The following C5 variants were observed in gnomAD, a reference collection of about 807,000 sequenced individuals.
C5 encodes complement C5.
Under a neutral mutation model 218.8 loss-of-function variants are expected in C5, and 140 were observed. That is an observed-to-expected ratio of 0.64 (90% CI 0.56 to 0.74). The LOEUF is 0.74. Ranked by LOEUF, C5 falls within the 30% of genes least tolerant of loss-of-function variation. The pLI, the probability that C5 is intolerant of heterozygous loss-of-function variation, is 0.00. For synonymous variants in C5, 614 were observed against 682.3 expected (o/e 0.90, Z 1.56); for missense variants, 1,700 against 1,969.6 (o/e 0.86, Z 2.59).
chr9:121,015,387 GC>G (rs1348650249), intron 15 of C5, 126 bp from the exon 16 acceptor site: 2 of 664,018 alleles, frequency 3.0e-6, no homozygotes, highest in Non-Finnish European at 5.3e-6. Context: ...ATATTGAGGG[GC>G]TGCTTTGGAT....
chr9:121,040,206 C>A (rs1308027887), intron 3 of C5, among the ~76,000 whole-genome samples: 5 of 152,054 alleles, frequency 3.3e-5, no homozygotes. Flanking sequence ...GTTAACAAGG[C>A]AAAGGAGGGG....
intron 36 of C5, 99 bp downstream of exon 36, chr9:120,962,572 G>A (rs2046834974): frequency 4.5e-6 from 4 of 895,728 alleles, no homozygotes; most frequent in Non-Finnish European, 7.6e-6. Context: ...CCCTAAGAGA[G>A]GCAATACATA....
intron 7 of C5, 115 bp from the exon 8 acceptor site, chr9:121,027,389 C>A (rs1434336269): frequency 8.9e-6 from 6 of 673,278 alleles, no homozygotes; most frequent in Non-Finnish European, 1.6e-5. Flanking sequence ...AAGTGTCTTT[C>A]ATCCTAAGCA....
At chr9:121,010,982 A>G (rs2047256942) in intron 17 of C5, among the ~76,000 whole-genome samples, 1 of 152,326 alleles carries the variant, frequency 6.6e-6, no homozygotes, top group South Asian at 2.1e-4. Flanking sequence ...AACTCAAATA[A>G]AAATTGATTA....
At chr9:120,988,962 G>A in intron 25 of C5, 84 bp downstream of exon 25, 1 of 992,028 alleles carries the variant, frequency 1.0e-6, no homozygotes. Context: ...CTGAGCAACT[G>A]GAGGAATGGA....
chr9:121,046,492 C>T (rs1564166442), intron 1 of C5, 109 bp from the exon 2 acceptor site: 1 of 757,786 alleles, frequency 1.3e-6, no homozygotes, highest in Non-Finnish European at 2.3e-6. Context: ...ACATATATTT[C>T]CTCACTTAAA....
chr9:121,037,359 G>A (rs1224411249), intron 4 of C5, among the ~76,000 whole-genome samples: 1 of 150,412 alleles, frequency 6.6e-6, no homozygotes, highest in Non-Finnish European at 1.5e-5. Flanking sequence ...CTGTCACCAG[G>A]CTGGAGTGCA....
intron 4 of C5, 56 bp downstream of exon 4, chr9:121,037,825 A>G (rs1396900587): frequency 2.5e-6 from 2 of 784,554 alleles, no homozygotes; most frequent in Non-Finnish European, 4.2e-6. Flanking sequence ...TTATGAAATG[A>G]GATTCTTGTC....
intron 2 of C5, among the ~76,000 whole-genome samples, chr9:121,043,700 C>CTTTTTTTTTTTTTTTTTT (rs34794535): frequency 8.3e-6 from 1 of 120,662 alleles, no homozygotes; most frequent in Non-Finnish European, 1.7e-5. Context: ...GTCCAGCTAA[C>CTTTTTTTTTTTTTTTTTT]TTTTTTTTTT....
At chr9:120,982,484 G>A (rs1273094255) in intron 26 of C5, among the ~76,000 whole-genome samples, 171 bp downstream of exon 26, 1 of 152,156 alleles carries the variant, frequency 6.6e-6, no homozygotes, top group Non-Finnish European at 1.5e-5. Context: ...TCTGAAGATC[G>A]CTTCACTTCA....
intron 31 of C5, among the ~76,000 whole-genome samples, chr9:120,971,171 CA>C (rs1156915974): frequency 3.7e-3 from 215 of 57,946 alleles, no homozygotes; most frequent in African/African-American, 0.01. Flanking sequence ...GACTCCATCT[CA>C]AAAAAAAAAA....
At chr9:120,988,118 TG>T (rs779254180) in intron 25 of C5, among the ~76,000 whole-genome samples, 4 of 152,210 alleles carry the variant, frequency 2.6e-5, no homozygotes, top group African/African-American at 9.6e-5. Flanking sequence ...GACTGCCATA[TG>T]GACTCTTAAT....
chr9:121,016,088 T>C (rs1160074237), intron 15 of C5, among the ~76,000 whole-genome samples, 166 bp downstream of exon 15: 1 of 152,196 alleles, frequency 6.6e-6, no homozygotes, highest in Non-Finnish European at 1.5e-5. Flanking sequence ...CACTAAAGAA[T>C]TTGTACTTTA....
intron 20 of C5, among the ~76,000 whole-genome samples, chr9:121,002,284 A>G (rs896553564): frequency 0.013 from 1,531 of 117,802 alleles, 60 homozygotes; most frequent in East Asian, 0.023. Flanking sequence ...ATATATACGT[A>G]TATATGTATA....
intron 39 of C5, chr9:120,957,072 A>AT (rs2046790618): frequency 2.2e-6 from 1 of 464,932 alleles, no homozygotes; most frequent in Non-Finnish European, 4.0e-6. Context: ...TGAAAAAAAC[A>AT]TTTTGCTGAA....
intron 17 of C5, 26 bp from the exon 18 acceptor site, chr9:121,008,524 A>C: frequency 6.7e-7 from 1 of 1,497,942 alleles, no homozygotes; most frequent in Non-Finnish European, 9.3e-7. Context: ...ATATTCAATT[A>C]TGGAAAAACA....
In C5 at chr9:121,039,705, G is replaced by C. The variant is rs556633861; in HGVS notation, c.422-1754C>G. 9.2e-5 allele frequency among the ~76,000 whole-genome samples: 14 copies of C among 152,298 alleles called. No individual in the cohort carries two copies. The East Asian group carries it at 2.5e-3, about 27-fold the overall frequency. ...AGTTTGAATGCCAGGCTGGAGTGCA[G>C]TGGCGCAATCTCGGTTCACTGCAAA... On this transcript the variant is annotated intron_variant, in intron 3 of 40. Coordinates refer to ENST00000223642, the MANE Select transcript of C5 (RefSeq NM_001735.3).
chr9:121,039,662 G>T (rs2047559950), intron 3 of C5, among the ~76,000 whole-genome samples: 1 of 152,010 alleles, frequency 6.6e-6, no homozygotes, highest in African/African-American at 2.4e-5. Context: ...AAAAGATGTG[G>T]TTTATTAATT....
chr9:121,073,251 CT>C, the C5 span, among the ~76,000 whole-genome samples: 4 of 152,192 alleles, frequency 2.6e-5, no homozygotes, highest in Non-Finnish European at 5.9e-5. Flanking sequence ...CACTGAATTA[CT>C]TAACATTCAG....
Sources: allele counts gnomAD v4.1 joint callset (sites outside exome capture counted in the v4.1 genomes callset), GRCh38; gene constraint gnomAD v4.1.1; transcripts MANE v1.5; gene names NCBI Gene and HGNC (gene_info 2026-07-23, HGNC 2026-07-21).